ATP8B2: variants seen among roughly 807,000 people sequenced by gnomAD.
ATP8B2 encodes the protein ATPase phospholipid transporting 8B2.
A neutral mutation model predicts 133.4 loss-of-function variants in ATP8B2; 70 were observed. The ratio of observed to expected loss-of-function variants is 0.52; its 90% CI spans 0.43 to 0.64. The LOEUF (loss-of-function observed/expected upper bound fraction) is 0.64. Among genes scored for constraint, ATP8B2 ranks in the 30% least tolerant of loss-of-function variants. The pLI, the probability that ATP8B2 is intolerant of heterozygous loss-of-function variation, is 0.00. For synonymous variants in ATP8B2, 517 were observed against 589.5 expected (o/e 0.88, Z 1.78); for missense variants, 1,101 against 1,535.7 (o/e 0.72, Z 4.73).
rs908104175 is a variant in ATP8B2, at chr1:154,328,450, A to T, written c.31+278A>T. Among the ~76,000 whole-genome samples, 2 of 152,028 alleles carry T rather than the reference A, an allele frequency of 1.3e-5. No individual in the cohort carries two copies. The highest frequency in any genetic ancestry group is 2.4e-5 in the African/African-American group (1 of 41,382). ...GCAGCTCCTGCTTTCTGGCCTAGGG[A>T]GCTGTGTTCTCATCTCTGCTTGGTC... On this transcript the variant is annotated intron_variant, in intron 2 of 27. Transcript: ENST00000368489. This position sits in a 1 kb window ranked among gnomAD's most constrained non-coding sequence, Gnocchi z 4.6.
At chr1:154,329,701 C>T (rs752368899) in intron 2 of ATP8B2, among the ~76,000 whole-genome samples, 1 of 152,146 alleles carries the variant, frequency 6.6e-6, no homozygotes, top group Non-Finnish European at 1.5e-5. Flanking sequence ...ACATTTCATT[C>T]CTCCCTCCTC....
At position 154,345,404 on chromosome 1, in the gene ATP8B2, G is replaced by A; in HGVS notation, c.2553G>A (p.Lys851=). The A allele has an allele frequency of 6.2e-7, 1 of 1,614,230 alleles. No individual in the cohort carries two copies. Among genetic ancestry groups the A allele is most frequent in the Non-Finnish European group, 8.5e-7 (1 of 1,180,050 alleles). ...CCGATTACTCCTTCTCCCAGTTCAA[G>A]TTCCTGCAGCGCCTCCTGCTGGTGC... ...LASDYSFSQF[K]FLQRLLLVHG... is the part of the protein sequence containing the mutation. Residue 851 remains lysine (K), a synonymous_variant, in exon 23 of 28, where the codon AAG becomes AAA. Coordinates refer to ENST00000368489, the MANE Select transcript of ATP8B2 (RefSeq NM_001370597.1). The surrounding 1 kb of genome is among the most constrained non-coding windows in gnomAD (Gnocchi z 5.6).
Position 154,345,203 on chromosome 1 carries a change from G to A in ATP8B2, c.2470+49G>A. The A allele has an allele frequency of 1.9e-6, 3 of 1,601,694 alleles. No homozygotes were observed. Among genetic ancestry groups the A allele is most frequent in the Non-Finnish European group, 1.7e-6 (2 of 1,171,838 alleles). ...GTAGGCTGGGCTTGAGGCTGGGGAG[G>A]GGCCCACTGAGGTCTCTGGACTGCA... On this transcript the variant is annotated intron_variant, in intron 22 of 27. Coordinates refer to ENST00000368489, the MANE Select transcript of ATP8B2 (RefSeq NM_001370597.1). This position sits in a 1 kb window ranked among gnomAD's most constrained non-coding sequence, Gnocchi z 5.6.
intron 3 of ATP8B2, 98 bp downstream of exon 3, chr1:154,330,552 T>A (rs1281265211): frequency 1.5e-6 from 2 of 1,343,670 alleles, no homozygotes; most frequent in Non-Finnish European, 2.1e-6. Context: ...CTGGGAAGAG[T>A]GCTTGGGGGA....
Position 154,343,494 on chromosome 1 carries a change from G to T in ATP8B2, c.1684G>T (p.Ala562Ser), listed in dbSNP as rs144911507. 1 of 1,614,082 alleles carries T rather than the reference G, an allele frequency of 6.2e-7. No homozygotes were observed. The change falls in exon 17 of 28, where the codon GCT (alanine) becomes TCT (serine). Residue 562 changes from alanine to serine, a missense_variant. Physicochemically the swap from Ala to Ser is moderately conservative, Grantham distance 99. Transcript: ENST00000368489. This position sits in a 1 kb window ranked among gnomAD's most constrained non-coding sequence, Gnocchi z 5.8. ...EGKIRLYCKG[A>S]DTILLDRLHH... ...GAAGATCCGACTCTACTGCAAAGGG[G>T]CTGACACTATCCTACTGGACAGACT...
chr1:154,342,346 C>A, intron 13 of ATP8B2, 134 bp from the exon 14 acceptor site: 1 of 880,440 alleles, frequency 1.1e-6, no homozygotes, highest in Non-Finnish European at 1.9e-6. Context: ...GAGTGACTCA[C>A]ACTGTGACAG....
intron 11 of ATP8B2, among the ~76,000 whole-genome samples, chr1:154,335,805 C>T (rs922430430): frequency 2.6e-5 from 4 of 151,946 alleles, no homozygotes; most frequent in Non-Finnish European, 4.4e-5. Context: ...TTTGGGAGAC[C>T]GAGGTGGGTG....
chr1:154,340,367 G>A lies in ATP8B2; in HGVS notation c.1035-487G>A, dbSNP rs1436008053. Among the ~76,000 whole-genome samples the A allele has an allele frequency of 3.3e-5, 5 of 152,148 alleles. No individual in the cohort carries two copies. Among genetic ancestry groups the A allele is most frequent in the Admixed American group, 2.6e-4 (4 of 15,272 alleles). On this transcript the variant is annotated intron_variant, in intron 12 of 27. Transcript: ENST00000368489. This position sits in a 1 kb window ranked among gnomAD's most constrained non-coding sequence, Gnocchi z 4.0. ...ACCCAGCCTGTGGTGGGACAGTGAC[G>A]AGTGGGCTTCAAGCCTTCTCCATTT...
rs1404504742 is a variant in ATP8B2 at position 154,345,271 on chromosome 1, G to A, written c.2471-51G>A. The A allele has an allele frequency of 6.2e-7, 1 of 1,610,284 alleles. No individual in the cohort carries two copies. Among genetic ancestry groups the A allele is most frequent in the African/African-American group, 1.3e-5 (1 of 74,788 alleles). Reference sequence around the variant, plus strand: ...GGGTTGTAACTTGGTAGGCTCTAAAGTGTGTGGCCGGTGGCCATCTTCACC... The same window carrying A: ...GGGTTGTAACTTGGTAGGCTCTAAAATGTGTGGCCGGTGGCCATCTTCACC... On this transcript the variant is annotated intron_variant, in intron 22 of 27. Transcript: ENST00000368489. This position sits in a 1 kb window ranked among gnomAD's most constrained non-coding sequence, Gnocchi z 5.6.
rs1032835284 is a variant in ATP8B2, at chr1:154,349,256, C to T, written c.*138C>T. The T allele has an allele frequency of 1.2e-5, 14 of 1,132,464 alleles. No individual in the cohort carries two copies. Among genetic ancestry groups the T allele is most frequent in the Admixed American group, 1.0e-4 (4 of 38,178 alleles). 70.2% of individuals were successfully genotyped at this position (1,132,464 alleles called of 1,614,324 possible). The stretch of plus-strand genomic sequence containing the variant: ...GGTAGACTCTGTCCTGCTGGTCCCA[C>T]CACACATGGCTGGGACATCTGTTCC... On this transcript the variant is annotated 3_prime_UTR_variant, in exon 28 of 28. Transcript: ENST00000368489.
At chr1:154,327,351 G>A (rs555290730) in intron 1 of ATP8B2, among the ~76,000 whole-genome samples, 162 of 150,744 alleles carry the variant, frequency 1.1e-3, no homozygotes, top group Non-Finnish European at 1.9e-3. Context: ...ATGGGAAGGC[G>A]GAAGCAGGCA....
chr1:154,343,500 A>G lies in ATP8B2; in HGVS notation c.1690A>G (p.Thr564Ala), dbSNP rs1686455978. 2 of 1,614,054 alleles carry G rather than the reference A, an allele frequency of 1.2e-6. No homozygotes were observed. The highest frequency in any genetic ancestry group is 1.7e-6 in the Non-Finnish European group (2 of 1,180,016). ...KIRLYCKGAD[T>A]ILLDRLHHST... is the part of the protein sequence containing the mutation. ...CCGACTCTACTGCAAAGGGGCTGAC[A>G]CTATCCTACTGGACAGACTGCACCA... The change falls in exon 17 of 28, where the codon ACT (threonine) becomes GCT (alanine). Residue 564 changes from threonine to alanine, a missense_variant. Thr to Ala is a moderately conservative substitution (Grantham distance 58). Coordinates refer to ENST00000368489, the MANE Select transcript of ATP8B2 (RefSeq NM_001370597.1). The surrounding 1 kb of genome is among the most constrained non-coding windows in gnomAD (Gnocchi z 5.8).
chr1:154,334,392 T>C lies in ATP8B2; in HGVS notation c.749-111T>C. ...TCCAGCTGTGTATACAGGCTTCTTA[T>C]CTAGCCAGTATCTCTATTCCACCCT... On this transcript the variant is annotated intron_variant, in intron 10 of 27. Coordinates refer to ENST00000368489, the MANE Select transcript of ATP8B2 (RefSeq NM_001370597.1). This position sits in a 1 kb window ranked among gnomAD's most constrained non-coding sequence, Gnocchi z 4.6. 1 of 1,501,862 alleles carries C rather than the reference T, an allele frequency of 6.7e-7. No homozygotes were observed. The highest frequency in any genetic ancestry group is 9.2e-7 in the Non-Finnish European group (1 of 1,090,964). The allele number at this position is 1,501,862 out of a possible 1,614,324, so 93.0% of individuals were successfully genotyped here.
chr1:154,346,873 T>TTTTA lies in ATP8B2; in HGVS notation c.3163+135_3163+138dup, dbSNP rs10664836. ...TCTTATGTGCCAAGTATTCTGTTTA[T>TTTTA]TTTATTTATTTATTTATTTATTTTC... On this transcript the variant is annotated intron_variant, in intron 26 of 27. Coordinates refer to ENST00000368489, the MANE Select transcript of ATP8B2 (RefSeq NM_001370597.1). The surrounding 1 kb of genome is among the most constrained non-coding windows in gnomAD (Gnocchi z 4.5). 0.35 allele frequency: 356,281 copies of TTTTA among 1,008,264 alleles called. 67,019 individuals carry two copies. The highest frequency in any genetic ancestry group is 0.5 in the East Asian group (15,644 of 31,268). 62.5% of individuals were successfully genotyped at this position (1,008,264 alleles called of 1,614,324 possible). A position where few individuals can be genotyped will look rare whatever the true frequency, so the allele number is the denominator to read the frequency against.
chr1:154,330,350 C>A, intron 2 of ATP8B2, 46 bp from the exon 3 acceptor site: 1 of 1,582,072 alleles, frequency 6.3e-7, no homozygotes, highest in Non-Finnish European at 8.7e-7. Flanking sequence ...AGTGTTGGTC[C>A]AGACCTCAGT....
chr1:154,330,718 A>G (rs1685958515), intron 3 of ATP8B2, 97 bp from the exon 4 acceptor site: 4 of 1,047,240 alleles, frequency 3.8e-6, no homozygotes, highest in South Asian at 1.4e-5. Flanking sequence ...CTTTTGGGGT[A>G]GAGGTCTGGG....
At position 154,345,286 on chromosome 1, in the gene ATP8B2, C is replaced by T. The variant is rs762896119; in HGVS notation, c.2471-36C>T. On this transcript the variant is annotated intron_variant, in intron 22 of 27. Transcript: ENST00000368489. The surrounding 1 kb of genome is among the most constrained non-coding windows in gnomAD (Gnocchi z 5.6). ...AGGCTCTAAAGTGTGTGGCCGGTGG[C>T]CATCTTCACCCTCTTGTCATCTCTT... The T allele has an allele frequency of 2.2e-5, 35 of 1,610,768 alleles. No individual in the cohort carries two copies. The highest frequency in any genetic ancestry group is 3.0e-5 in the Non-Finnish European group (35 of 1,177,992).
chr1:154,337,755 A>G, intron 12 of ATP8B2: 1 of 1,504,398 alleles, frequency 6.6e-7, no homozygotes, highest in South Asian at 1.4e-5. Context: ...GAGAAAAAAA[A>G]ATATTGATTT....
rs535110733 is a variant in ATP8B2, at chr1:154,351,253, C to G, written c.*2135C>G. 1.3e-5 allele frequency: 2 copies of G among 152,400 alleles called. No homozygotes were observed. The highest frequency in any genetic ancestry group is 4.8e-5 in the African/African-American group (2 of 41,450). 9.4% of individuals were successfully genotyped at this position (152,400 alleles called of 1,614,324 possible). ...ATTTCTATACTTGCAAAAATTATAT[C>G]ATTTTATGGATATAAGAGAAAAATG... On this transcript the variant is annotated 3_prime_UTR_variant, in exon 28 of 28. Transcript: ENST00000368489.
Sources: allele counts gnomAD v4.1 joint callset (sites outside exome capture counted in the v4.1 genomes callset), GRCh38; gene constraint gnomAD v4.1.1; non-coding constraint Gnocchi (gnomAD v3.1); transcripts MANE v1.5; gene names NCBI Gene and HGNC (gene_info 2026-07-23, HGNC 2026-07-21).